CACNA2D4: variants seen among roughly 807,000 people sequenced by gnomAD.
The protein encoded by CACNA2D4 is voltage-dependent calcium channel subunit alpha-2/delta-4.
A neutral mutation model predicts 163.8 loss-of-function variants in CACNA2D4; 157 were observed. That is an observed-to-expected ratio of 0.96 (90% CI 0.84 to 1.09). The LOEUF is 1.09. Ranked by LOEUF, CACNA2D4 falls within the 50% of genes least tolerant of loss-of-function variation. The pLI is 0.00. For missense variants in CACNA2D4, 1,410 were observed against 1,479.9 expected (o/e 0.95, Z 0.78); for synonymous variants, 598 against 586.9 (o/e 1.02, Z -0.27).
chr12:1,814,504 C>T (rs942831527), intron 26 of CACNA2D4, among the ~76,000 whole-genome samples: 1 of 152,240 alleles, frequency 6.6e-6, no homozygotes, highest in South Asian at 2.1e-4. Flanking sequence ...TGCAAGTCCC[C>T]ACTCGACCCA....
chr12:1,817,863 G>T (rs1428609359), intron 26 of CACNA2D4, among the ~76,000 whole-genome samples: 2 of 152,012 alleles, frequency 1.3e-5, no homozygotes, highest in African/African-American at 4.8e-5. Flanking sequence ...GCCTGCCTTG[G>T]CCTCCCAAAG....
At chr12:1,817,073 G>A (rs1158542921) in intron 26 of CACNA2D4, among the ~76,000 whole-genome samples, 5 of 152,188 alleles carry the variant, frequency 3.3e-5, no homozygotes, top group Admixed American at 2.6e-4. Context: ...ACCTAACCAG[G>A]AGACTGCGTG....
At chr12:1,800,769 G>A in intron 31 of CACNA2D4, 1 of 593,938 alleles carries the variant, frequency 1.7e-6, no homozygotes, top group Non-Finnish European at 3.0e-6. Flanking sequence ...CAGGGGCTGA[G>A]GCTGGGGCAG....
At chr12:1,800,319 C>A in intron 32 of CACNA2D4, 67 bp downstream of exon 32, 1 of 1,548,640 alleles carries the variant, frequency 6.5e-7, no homozygotes, top group South Asian at 1.1e-5. Context: ...GCCTCCTGCT[C>A]AAGGACACCC....
chr12:1,821,626 G>A (rs1381990334), intron 26 of CACNA2D4, among the ~76,000 whole-genome samples: 1 of 152,168 alleles, frequency 6.6e-6, no homozygotes, highest in African/African-American at 2.4e-5. Flanking sequence ...TGGGTGGGGG[G>A]TACACAGCGG....
At chr12:1,915,197 C>T in intron 1 of CACNA2D4, 1 of 702,692 alleles carries the variant, frequency 1.4e-6, no homozygotes, top group Non-Finnish European at 2.6e-6. Flanking sequence ...GAGCACCTGT[C>T]CCTCCTCCTT....
In CACNA2D4 at chr12:1,820,970, G is replaced by C. The variant is rs1033336153; in HGVS notation, c.2552-9247C>G. On this transcript the variant is annotated intron_variant, in intron 26 of 37. Coordinates refer to ENST00000382722, the MANE Select transcript of CACNA2D4 (RefSeq NM_172364.5). This position sits in a 1 kb window ranked among gnomAD's most constrained non-coding sequence, Gnocchi z 6.0. ...ATTGCTGGGGCCGAAGAAGCTGCTC[G>C]GGCTCAGGCACCTGAGCATCCCAAA... Among the ~76,000 whole-genome samples, 6 of 152,172 alleles carry C rather than the reference G, an allele frequency of 3.9e-5. No homozygotes were observed. Among genetic ancestry groups the C allele is most frequent in the African/African-American group, 1.4e-4 (6 of 41,432 alleles).
intron 26 of CACNA2D4, among the ~76,000 whole-genome samples, chr12:1,837,185 G>C (rs1415007573): frequency 1.3e-5 from 2 of 152,224 alleles, no homozygotes; most frequent in Non-Finnish European, 2.9e-5. Context: ...AGATGGGCTC[G>C]TGTGGCGAGA....
In CACNA2D4 at chr12:1,799,821, C is replaced by A; in HGVS notation, c.2975-126G>T. 1 of 1,336,036 alleles carries A rather than the reference C, an allele frequency of 7.5e-7. No individual in the cohort carries two copies. The highest frequency in any genetic ancestry group is 1.0e-6 in the Non-Finnish European group (1 of 954,466). The allele number at this position is 1,336,036 out of a possible 1,614,324, so 82.8% of individuals were successfully genotyped here. On this transcript the variant is annotated intron_variant, in intron 33 of 37. Coordinates refer to ENST00000382722, the MANE Select transcript of CACNA2D4 (RefSeq NM_172364.5). The surrounding 1 kb of genome is among the most constrained non-coding windows in gnomAD (Gnocchi z 4.7). The stretch of plus-strand genomic sequence containing the variant: ...GTGGCGGTGTCCCAAGATGATGTCA[C>A]ACACAGAGCCAGGAGTGAGGGATGT...
chr12:1,887,907 G>C (rs551344641), intron 6 of CACNA2D4, among the ~76,000 whole-genome samples: 7 of 152,322 alleles, frequency 4.6e-5, no homozygotes, highest in African/African-American at 1.7e-4. Context: ...CTCCTCCACA[G>C]TGGTTAGACT....
At chr12:1,864,638 C>A (rs868748997) in intron 18 of CACNA2D4, among the ~76,000 whole-genome samples, 1 of 152,192 alleles carries the variant, frequency 6.6e-6, no homozygotes, top group Non-Finnish European at 1.5e-5. Context: ...CCAGTCCCAC[C>A]AGGGCGCCGC....
At chr12:1,827,464 A>G (rs1592684161) in intron 26 of CACNA2D4, 1 of 152,772 alleles carries the variant, frequency 6.5e-6, no homozygotes. Flanking sequence ...CGGCTGGCGG[A>G]AGACAGAGTG....
intron 7 of CACNA2D4, 96 bp downstream of exon 7, chr12:1,886,913 G>A: frequency 2.5e-6 from 2 of 804,154 alleles, no homozygotes; most frequent in Non-Finnish European, 4.2e-6. Flanking sequence ...TTGAGTGGCG[G>A]TGGGGGAAGG....
In CACNA2D4 at chr12:1,910,108, G is replaced by A. The variant is rs1215444228; in HGVS notation, c.427-143C>T. On this transcript the variant is annotated intron_variant, in intron 3 of 37. Transcript: ENST00000382722. ...GGATTGAAAACAGGGATGCAAACAA[G>A]AACTTAGGAACGAATATTCACAGCC... 51 of 716,560 alleles carry A rather than the reference G, an allele frequency of 7.1e-5. 1 individual carries two copies. Among genetic ancestry groups the A allele is most frequent in the South Asian group, 1.2e-4 (8 of 64,936 alleles). 44.4% of individuals were successfully genotyped at this position (716,560 alleles called of 1,614,324 possible).
chr12:1,800,331 C>G (rs1863269643), intron 32 of CACNA2D4, 55 bp downstream of exon 32: 4 of 1,588,394 alleles, frequency 2.5e-6, no homozygotes, highest in African/African-American at 1.3e-5. Context: ...AGGACACCCT[C>G]CTAAGCCACC....
At position 1,856,182 on chromosome 12, in the gene CACNA2D4, A is replaced by C. The variant is rs1272089594; in HGVS notation, c.2054+2T>G. ...CCCTCCCATTTTTTACTCCTCACTT[A>C]CCAGTCACCGGCCAGGGCCAGGTCT... On this transcript the variant is annotated splice_donor_variant, in intron 21 of 37. Transcript: ENST00000382722. LOFTEE classifies it high-confidence loss of function. 3.1e-6 allele frequency: 5 copies of C among 1,613,832 alleles called. No individual in the cohort carries two copies. The highest frequency in any genetic ancestry group is 3.3e-5 in the Admixed American group (2 of 60,000).
At chr12:1,900,140 GT>G (rs985498857) in intron 6 of CACNA2D4, among the ~76,000 whole-genome samples, 2 of 152,048 alleles carry the variant, frequency 1.3e-5, no homozygotes, top group Admixed American at 1.3e-4. Flanking sequence ...AATAAAAATT[GT>G]TTTTTTGAGA....
rs2037315559 is a variant in CACNA2D4 at position 1,914,930 on chromosome 12, T to G, written c.233A>C (p.Lys78Thr). 6.2e-7 allele frequency: 1 copy of G among 1,612,164 alleles called. No homozygotes were observed. Among genetic ancestry groups the G allele is most frequent in the African/African-American group, 1.3e-5 (1 of 74,972 alleles). Residue 78 changes from lysine to threonine, a missense_variant, in exon 2 of 38, where the codon AAG (lysine) becomes ACG (threonine). Lys to Thr is a moderately conservative substitution (Grantham distance 78). Coordinates refer to ENST00000382722, the MANE Select transcript of CACNA2D4 (RefSeq NM_172364.5). ...CCCGCCGAAGGTGTCAGCCCATAGC[T>G]TCACTCTGCCAGGCAATGAAAGGAC... ...GQAKIPLETV[K>T]LWADTFGGDL...
chr12:1,847,959 TAA>T (rs1865188879), intron 23 of CACNA2D4, among the ~76,000 whole-genome samples: 1 of 152,236 alleles, frequency 6.6e-6, no homozygotes, highest in South Asian at 2.1e-4. Flanking sequence ...CGAATTTTTT[TAA>T]GTTTGGCTGA....
Sources: allele counts gnomAD v4.1 joint callset (sites outside exome capture counted in the v4.1 genomes callset), GRCh38; gene constraint gnomAD v4.1.1; non-coding constraint Gnocchi (gnomAD v3.1); transcripts MANE v1.5; gene names NCBI Gene and HGNC (gene_info 2026-07-23, HGNC 2026-07-21).